The following MALRD1 variants were observed in gnomAD, a reference collection of about 807,000 sequenced individuals.
The protein encoded by MALRD1 is MAM and LDL-receptor class A domain-containing protein 1.
Under a neutral mutation model 242.1 loss-of-function variants are expected in MALRD1, and 247 were observed. The ratio of observed to expected loss-of-function variants is 1.02; its 90% confidence interval spans 0.92 to 1.13. The LOEUF (loss-of-function observed/expected upper bound fraction) is 1.13, where lower values mean the gene tolerates loss of function less well. MALRD1 is among the 50% of genes most tolerant of loss of function. The pLI, the probability that MALRD1 is intolerant of heterozygous loss-of-function variation, is 0.00. For synonymous variants in MALRD1, 995 were observed against 866.6 expected, an observed-to-expected ratio of 1.15 and a Z score of -2.60; for missense variants, 2,989 against 2,533.1, an observed-to-expected ratio of 1.18 and a Z score of -3.86.
chr10:19,453,717 A>G (rs1312713709), intron 29 of MALRD1, among the ~76,000 whole-genome samples: 1 of 151,940 alleles, frequency 6.6e-6, no homozygotes, highest in Non-Finnish European at 1.5e-5. Context: ...CTCTACTAAA[A>G]ATAGAAAAAT....
At chr10:19,533,235 T>C (rs558724996) in intron 32 of MALRD1, among the ~76,000 whole-genome samples, 6 of 152,354 alleles carry the variant, frequency 3.9e-5, no homozygotes, top group Admixed American at 2.6e-4. Context: ...TTTCTGTAAA[T>C]AGCCTTTGAA....
intron 8 of MALRD1, among the ~76,000 whole-genome samples, chr10:19,128,957 C>A (rs1252887752): frequency 6.6e-6 from 1 of 152,098 alleles, no homozygotes; most frequent in Non-Finnish European, 1.5e-5. Context: ...AAACTGACAG[C>A]TGATTCCATA....
At chr10:19,047,300 C>T (rs567255458), upstream of MALRD1, among the ~76,000 whole-genome samples, 2 of 151,364 alleles carry the variant, frequency 1.3e-5, no homozygotes, top group South Asian at 2.1e-4. Context: ...AGCTGGTTGG[C>T]GGTGGGGGAA....
intron 12 of MALRD1, 97 bp from the exon 13 acceptor site, chr10:19,165,540 C>T: frequency 1.1e-6 from 1 of 935,964 alleles, no homozygotes; most frequent in Non-Finnish European, 1.4e-6. Flanking sequence ...CCGAGGCAGG[C>T]AGATCACCTG....
At chr10:19,308,424 A>G (rs915890462) in intron 21 of MALRD1, among the ~76,000 whole-genome samples, 1 of 151,512 alleles carries the variant, frequency 6.6e-6, no homozygotes, top group African/African-American at 2.4e-5. Context: ...GACCTTCTTT[A>G]TATCCAGAAA....
At chr10:19,176,373 T>C (rs1327664600) in intron 14 of MALRD1, among the ~76,000 whole-genome samples, 1 of 113,680 alleles carries the variant, frequency 8.8e-6, no homozygotes, top group African/African-American at 3.1e-5. Context: ...GTGCTTTTTT[T>C]TTTTTTTTTT....
chr10:19,480,820 C>T (rs1166747418), intron 29 of MALRD1, among the ~76,000 whole-genome samples: 1 of 152,020 alleles, frequency 6.6e-6, no homozygotes, highest in South Asian at 2.1e-4. Context: ...TCTAGGCCTT[C>T]TAAACAGGCT....
At position 19,110,576 on chromosome 10, in the gene MALRD1, A is replaced by G. The variant is rs191693231; in HGVS notation, c.694+6501A>G. On this transcript the variant is annotated intron_variant, in intron 5 of 39. Transcript: ENST00000454679. ...TATTGGACTTATCAAAAGGGATGCA[A>G]TTTATCAATAGAGAATATATGGCTA... Among the ~76,000 whole-genome samples, 24 of 152,272 alleles carry G rather than the reference A, an allele frequency of 1.6e-4. No individual in the cohort carries two copies. The South Asian group carries it at 2.5e-3, about 16-fold the overall frequency.
chr10:19,333,333 T>C (rs932067260), intron 24 of MALRD1, among the ~76,000 whole-genome samples: 5 of 152,098 alleles, frequency 3.3e-5, no homozygotes, highest in African/African-American at 1.2e-4. Context: ...GCTCTTATTG[T>C]TCCCATGTTT....
chr10:19,140,203 A>T (rs1833490628), intron 10 of MALRD1, among the ~76,000 whole-genome samples: 1 of 152,080 alleles, frequency 6.6e-6, no homozygotes, highest in South Asian at 2.1e-4. Flanking sequence ...CTTCTGGAGG[A>T]TTCATAAAAT....
In MALRD1 at chr10:19,378,680, A is replaced by G. The variant is rs1014833612; in HGVS notation, c.4442-8848A>G. Among the ~76,000 whole-genome samples, 3 of 152,288 alleles carry G rather than the reference A, an allele frequency of 2.0e-5. No homozygotes were observed. In the South Asian group the frequency reaches 6.2e-4, roughly 32 times the overall value. On this transcript the variant is annotated intron_variant, in intron 26 of 39. Coordinates refer to ENST00000454679, the MANE Select transcript of MALRD1 (RefSeq NM_001142308.3). ...GAATTCCTTGCACTCTGACATGAAC[A>G]TGATCATGACGTACTGTCTTATGTG...
At position 19,122,307 on chromosome 10, in the gene MALRD1, C is replaced by G. The variant is rs139965799; in HGVS notation, c.695-1185C>G. The stretch of plus-strand genomic sequence containing the variant: ...ATAGGGCTGATGGTTGGGGAGTGGA[C>G]CACTTGAAATGAAGACAAGGAAACG... On this transcript the variant is annotated intron_variant, in intron 5 of 39. Coordinates refer to ENST00000454679, the MANE Select transcript of MALRD1 (RefSeq NM_001142308.3). Among the ~76,000 whole-genome samples, 690 of 152,096 alleles carry G rather than the reference C, an allele frequency of 4.5e-3. 3 individuals carry two copies. The highest frequency in any genetic ancestry group is 8.1e-3 in the Non-Finnish European group (553 of 67,984).
At chr10:19,429,391 C>A (rs1834030945) in intron 28 of MALRD1, among the ~76,000 whole-genome samples, 1 of 151,864 alleles carries the variant, frequency 6.6e-6, no homozygotes, top group African/African-American at 2.4e-5. Context: ...TGGTGAAACC[C>A]CATCTCTACT....
intron 19 of MALRD1, among the ~76,000 whole-genome samples, chr10:19,277,895 T>G (rs1294877597): frequency 6.6e-6 from 1 of 152,216 alleles, no homozygotes; most frequent in Admixed American, 6.5e-5. Context: ...CTGTTTTGGT[T>G]TATTAGTTGA....
At chr10:19,639,713 C>T (rs1840301141) in intron 36 of MALRD1, among the ~76,000 whole-genome samples, 1 of 152,130 alleles carries the variant, frequency 6.6e-6, no homozygotes, top group Non-Finnish European at 1.5e-5. Context: ...CTCTCTGATC[C>T]TATTTCCAAC....
At chr10:19,358,667 G>C (rs11815371) in intron 26 of MALRD1, among the ~76,000 whole-genome samples, 2,459 of 152,168 alleles carry the variant, frequency 0.016, 63 homozygotes, top group African/African-American at 0.056. Flanking sequence ...ATCTACTTCT[G>C]AGCGATTTGA....
At chr10:19,193,972 G>A (rs888205596) in intron 14 of MALRD1, among the ~76,000 whole-genome samples, 3 of 151,840 alleles carry the variant, frequency 2.0e-5, no homozygotes, top group Non-Finnish European at 2.9e-5. Context: ...AGAAAAAATA[G>A]TAGGGTCTTT....
At chr10:19,611,212 C>G (rs1348448789) in intron 35 of MALRD1, among the ~76,000 whole-genome samples, 2 of 151,766 alleles carry the variant, frequency 1.3e-5, no homozygotes, top group Admixed American at 1.3e-4. Context: ...CTTAGAGTAC[C>G]TAGCTCAAAG....
intron 36 of MALRD1, among the ~76,000 whole-genome samples, chr10:19,677,033 A>G (rs576633045): frequency 1.3e-5 from 2 of 152,170 alleles, no homozygotes; most frequent in East Asian, 3.9e-4. Flanking sequence ...CCCATGGTGT[A>G]TATGTACCAC....
Sources: gnomAD v4.1 joint callset for allele counts (sites outside exome capture counted in the v4.1 genomes callset) on GRCh38, gnomAD v4.1.1 for gene constraint, MANE v1.5 for transcripts, NCBI Gene and HGNC (gene_info 2026-07-23, HGNC 2026-07-21) for gene names.